The following CHD6 variants were observed in gnomAD, a reference collection of about 807,000 sequenced individuals.
The protein encoded by CHD6 is ATP-dependent chromatin remodeler CHD6.
CHD6 carries 50 observed loss-of-function variants against 276.9 expected under a neutral mutation model. The ratio of observed to expected loss-of-function variants is 0.18; its 90% CI spans 0.14 to 0.23. The LOEUF is 0.23. CHD6 is among the 10% of genes least tolerant of loss of function. The probability of loss-of-function intolerance (pLI) is 1.00; values close to 1 mark genes in which losing one functional copy is unlikely to be tolerated. For missense variants in CHD6, 2,564 were observed against 3,365.8 expected, an observed-to-expected ratio of 0.76 and a Z score of 5.89; for synonymous variants, 1,173 against 1,229.3, an observed-to-expected ratio of 0.95 and a Z score of 0.96.
At chr20:41,456,444 A>G (rs1486593048) in intron 18 of CHD6, among the ~76,000 whole-genome samples, 1 of 152,008 alleles carries the variant, frequency 6.6e-6, no homozygotes, top group East Asian at 1.9e-4. Flanking sequence ...AAATGATCCC[A>G]TGATAAATGT....
chr20:41,414,919 AC>A, intron 34 of CHD6: 2 of 1,307,724 alleles, frequency 1.5e-6, no homozygotes, highest in Non-Finnish European at 1.9e-6. Flanking sequence ...CTCTTCTGAA[AC>A]CCTGGAGGAG....
At chr20:41,446,974 A>C (rs1181543740) in intron 24 of CHD6, among the ~76,000 whole-genome samples, 1 of 152,194 alleles carries the variant, frequency 6.6e-6, no homozygotes, top group Non-Finnish European at 1.5e-5. Context: ...TGCTGCATTT[A>C]TACGACTCAA....
At chr20:41,479,124 A>G (rs2145810121) in intron 16 of CHD6, among the ~76,000 whole-genome samples, 1 of 152,286 alleles carries the variant, frequency 6.6e-6, no homozygotes, top group South Asian at 2.1e-4. Flanking sequence ...AAGTCAGTGA[A>G]CTTGAAGACA....
rs2046646645 is a variant in CHD6 at position 41,405,427 on chromosome 20, G to T, written c.7314C>A (p.Gly2438=). 1 of 1,608,204 alleles carries T rather than the reference G, an allele frequency of 6.2e-7. No homozygotes were observed. Among genetic ancestry groups the T allele is most frequent in the Non-Finnish European group, 8.5e-7 (1 of 1,176,294 alleles). The change falls in exon 37 of 37, where the codon GGC becomes GGA. Residue 2438 remains glycine, a synonymous_variant. Transcript: ENST00000373233. ...GAGGCCGCCTCCCCCTCCTGCGGGG[G>T]CCCGTATCTCGAAGAATAGGCTCAG... is the stretch of plus-strand genomic sequence containing the variant. ...TLAEPILRDT[G]PRRRGRRPRS... is the part of the protein sequence containing the mutation.
At chr20:41,569,488 A>T (rs1395263886) in intron 1 of CHD6, among the ~76,000 whole-genome samples, 3 of 152,160 alleles carry the variant, frequency 2.0e-5, no homozygotes, top group Non-Finnish European at 2.9e-5. Context: ...GCACTACTTT[A>T]GGGGGACTGG....
intron 1 of CHD6, among the ~76,000 whole-genome samples, chr20:41,598,720 G>A (rs1199309202): frequency 2.0e-5 from 3 of 152,120 alleles, no homozygotes; most frequent in African/African-American, 7.2e-5. Context: ...GGAAAACTTG[G>A]CATTCCTTGG....
intron 27 of CHD6, among the ~76,000 whole-genome samples, chr20:41,436,207 AACATTTC>A (rs745584556): frequency 2.6e-5 from 4 of 152,224 alleles, no homozygotes; most frequent in Non-Finnish European, 5.9e-5. Flanking sequence ...AAGAGACATA[AACATTTC>A]ACTGAAAAGG....
chr20:41,510,227 A>G (rs1212380150), intron 5 of CHD6, among the ~76,000 whole-genome samples: 13 of 152,228 alleles, frequency 8.5e-5, no homozygotes, highest in Admixed American at 7.9e-4. Context: ...ATCCTAGATG[A>G]GATTCAAGGC....
At position 41,404,590 on chromosome 20, in the gene CHD6, G is replaced by C; in HGVS notation, c.*3C>G. ...CACAATAATTTCTTAAATGAAAAAA[G>C]TTCTAATTGGTGTCGTTGTTGGAGT... On this transcript the variant is annotated 3_prime_UTR_variant, in exon 37 of 37. Transcript: ENST00000373233. The C allele has an allele frequency of 1.4e-6, 2 of 1,475,684 alleles. No homozygotes were observed. Among genetic ancestry groups the C allele is most frequent in the Non-Finnish European group, 1.8e-6 (2 of 1,111,178 alleles). 91.4% of individuals were successfully genotyped at this position (1,475,684 alleles called of 1,614,324 possible).
intron 17 of CHD6, 94 bp from the exon 18 acceptor site, chr20:41,457,522 G>T (rs2048413500): frequency 2.1e-6 from 3 of 1,404,820 alleles, no homozygotes; most frequent in Non-Finnish European, 2.9e-6. Flanking sequence ...CATGTGGTGT[G>T]AGTGGCCAAC....
chr20:41,545,662 C>T (rs76202874), intron 2 of CHD6, among the ~76,000 whole-genome samples: 4,670 of 152,270 alleles, frequency 0.031, 96 homozygotes, highest in Middle Eastern at 0.071. Context: ...GAGTCCTCAT[C>T]TCTCCCTAGA....
chr20:41,470,274 T>C (rs6029696), intron 17 of CHD6, among the ~76,000 whole-genome samples: 35,002 of 151,888 alleles, frequency 0.23, 4,190 homozygotes, highest in East Asian at 0.39. Flanking sequence ...CACTAACTAA[T>C]AGCCACTCTT....
intron 3 of CHD6, among the ~76,000 whole-genome samples, chr20:41,528,386 T>A (rs1295616006): frequency 1.3e-5 from 2 of 152,180 alleles, no homozygotes; most frequent in African/African-American, 4.8e-5. Context: ...GTGTATGTCT[T>A]CTTAGGCAAG....
chr20:41,578,509 A>G (rs906792752), intron 1 of CHD6, among the ~76,000 whole-genome samples: 7 of 152,106 alleles, frequency 4.6e-5, no homozygotes, highest in Admixed American at 6.6e-5. Context: ...ACAATCACCA[A>G]GGAATGTTAA....
In CHD6 at chr20:41,487,825, T is replaced by A. The variant is rs560879368; in HGVS notation, c.1858-17A>T. 1.2e-6 allele frequency: 2 copies of A among 1,606,906 alleles called. No homozygotes were observed. The highest frequency in any genetic ancestry group is 1.1e-5 in the South Asian group (1 of 89,272). On this transcript the variant is annotated splice_polypyrimidine_tract_variant and intron_variant, in intron 13 of 36. Transcript: ENST00000373233. ...TTTATGTTCCTGCGCAAATTAAACATACATGATGGACAGTGCTTGAGCCAT... is the reference window on the plus strand; with the variant it reads ...TTTATGTTCCTGCGCAAATTAAACAAACATGATGGACAGTGCTTGAGCCAT...
At chr20:41,609,325 C>T (rs1211973754) in intron 1 of CHD6, among the ~76,000 whole-genome samples, 1 of 152,166 alleles carries the variant, frequency 6.6e-6, no homozygotes, top group East Asian at 1.9e-4. Context: ...TAGAACTTGA[C>T]ATCCTTAGAA....
intron 4 of CHD6, 63 bp downstream of exon 4, chr20:41,514,742 A>G: frequency 6.4e-7 from 1 of 1,551,866 alleles, no homozygotes; most frequent in Non-Finnish European, 8.8e-7. Flanking sequence ...CAACACGATC[A>G]GTGTCAGCCA....
intron 1 of CHD6, among the ~76,000 whole-genome samples, chr20:41,606,911 G>A (rs2045835956): frequency 6.6e-6 from 1 of 152,128 alleles, no homozygotes; most frequent in Admixed American, 6.5e-5. Context: ...ACACAACAAA[G>A]TTTGAGCACC....
chr20:41,476,208 C>T (rs915794500), intron 16 of CHD6, among the ~76,000 whole-genome samples: 5 of 152,072 alleles, frequency 3.3e-5, no homozygotes, highest in African/African-American at 1.2e-4. Context: ...ATAAAATTTT[C>T]CACACTGAAC....
Sources: allele counts gnomAD v4.1 joint callset (sites outside exome capture counted in the v4.1 genomes callset), GRCh38; gene constraint gnomAD v4.1.1; transcripts MANE v1.5; gene names NCBI Gene and HGNC (gene_info 2026-07-23, HGNC 2026-07-21).